CNTNAP2: variants seen among roughly 807,000 people sequenced by gnomAD.
CNTNAP2 encodes contactin associated protein 2.
In CNTNAP2, 98 loss-of-function variants were observed where a neutral mutation model predicts 155.2. The ratio of observed to expected loss-of-function variants is 0.63; its 90% CI spans 0.54 to 0.75. The LOEUF (loss-of-function observed/expected upper bound fraction) is 0.75, where lower values mean the gene tolerates loss of function less well. Among genes scored for constraint, CNTNAP2 ranks in the 30% least tolerant of loss-of-function variants. The probability of loss-of-function intolerance (pLI) is 0.00; values close to 1 mark genes in which losing one functional copy is unlikely to be tolerated. For missense variants in CNTNAP2, 1,727 were observed against 1,688.1 expected (o/e 1.02, Z -0.40); for synonymous variants, 651 against 631.2 (o/e 1.03, Z -0.47).
chr7:147,840,007 CT>C (rs1390298561), intron 13 of CNTNAP2, among the ~76,000 whole-genome samples: 2 of 151,766 alleles, frequency 1.3e-5, no homozygotes, highest in Non-Finnish European at 2.9e-5. Flanking sequence ...GAAATCATGT[CT>C]TTTGGAGCAA....
chr7:146,989,495 C>T (rs1489756443), intron 3 of CNTNAP2, among the ~76,000 whole-genome samples: 1 of 151,680 alleles, frequency 6.6e-6, no homozygotes, highest in Non-Finnish European at 1.5e-5. Flanking sequence ...ATCTTGTCAG[C>T]ACATAACAGT....
chr7:147,213,579 A>T (rs150355701), intron 8 of CNTNAP2, among the ~76,000 whole-genome samples: 3 of 152,206 alleles, frequency 2.0e-5, no homozygotes, highest in Non-Finnish European at 4.4e-5. Flanking sequence ...CGCAAAAAAA[A>T]AAATAACATT....
At chr7:148,405,231 A>C (rs551776100) in intron 22 of CNTNAP2, among the ~76,000 whole-genome samples, 1 of 152,218 alleles carries the variant, frequency 6.6e-6, no homozygotes, top group East Asian at 1.9e-4. Context: ...AATCCAGCTC[A>C]AGGGAGTCTT....
At chr7:147,094,273 C>T (rs1465698979) in intron 4 of CNTNAP2, among the ~76,000 whole-genome samples, 1 of 152,158 alleles carries the variant, frequency 6.6e-6, no homozygotes, top group African/African-American at 2.4e-5. Flanking sequence ...CTGTTCACGG[C>T]CACTTAGGTA....
intron 2 of CNTNAP2, among the ~76,000 whole-genome samples, chr7:146,795,211 A>G (rs1329856507): frequency 6.6e-6 from 1 of 152,244 alleles, no homozygotes; most frequent in Admixed American, 6.5e-5. Context: ...TATAATTAGT[A>G]AATGTTGAAA....
At position 148,162,956 on chromosome 7, in the gene CNTNAP2, C is replaced by T. The variant is rs145337206; in HGVS notation, c.2774-9286C>T. On this transcript the variant is annotated intron_variant, in intron 17 of 23. Transcript: ENST00000361727. The stretch of plus-strand genomic sequence containing the variant: ...TCAAGGCTGCAGTGAACCATGATTG[C>T]GTCACTGCACTCGGCCTGAGCCAAA... Among the ~76,000 whole-genome samples the T allele has an allele frequency of 1.2e-3, 190 of 152,264 alleles. 2 individuals carry two copies. Among genetic ancestry groups the T allele is most frequent in the African/African-American group, 4.3e-3 (177 of 41,552 alleles).
intron 3 of CNTNAP2, among the ~76,000 whole-genome samples, chr7:146,860,324 T>C (rs541619957): frequency 6.6e-6 from 1 of 152,288 alleles, no homozygotes; most frequent in South Asian, 2.1e-4. Context: ...GGTTGCTTTC[T>C]TTTTTATCTT....
chr7:147,434,200 C>T (rs563942289), intron 10 of CNTNAP2, among the ~76,000 whole-genome samples: 13 of 152,222 alleles, frequency 8.5e-5, no homozygotes, highest in Non-Finnish European at 1.8e-4. Flanking sequence ...TATTCTGTAC[C>T]ACAATTGCTG....
intron 10 of CNTNAP2, among the ~76,000 whole-genome samples, chr7:147,410,827 C>T (rs983244065): frequency 1.3e-5 from 2 of 152,060 alleles, no homozygotes; most frequent in Admixed American, 6.5e-5. Flanking sequence ...TTATTGTCAC[C>T]TCCATAAGAT....
intron 2 of CNTNAP2, among the ~76,000 whole-genome samples, chr7:146,796,700 T>C (rs1224364255): frequency 6.6e-6 from 1 of 152,224 alleles, no homozygotes; most frequent in Non-Finnish European, 1.5e-5. Flanking sequence ...TAGAACCTCA[T>C]TGATTTCACT....
In CNTNAP2 at chr7:148,380,653, C is replaced by T. The variant is rs143176307; in HGVS notation, c.3476-2996C>T. On this transcript the variant is annotated intron_variant, in intron 21 of 23. Coordinates refer to ENST00000361727, the MANE Select transcript of CNTNAP2 (RefSeq NM_014141.6). ...TGACTTCTTTTTTTTTTATATGAAA[C>T]ATAAATGTTTATTCATTGGCAAAGC... is the stretch of plus-strand genomic sequence containing the variant. 3.3e-4 allele frequency among the ~76,000 whole-genome samples: 50 copies of T among 151,320 alleles called. No individual in the cohort carries two copies. In the East Asian group the frequency reaches 9.3e-3, roughly 28 times the overall value.
chr7:147,363,739 G>T, intron 9 of CNTNAP2, among the ~76,000 whole-genome samples: 1 of 151,788 alleles, frequency 6.6e-6, no homozygotes, highest in East Asian at 1.9e-4. Context: ...CATTTATAGG[G>T]CCTTAGGGAA....
At chr7:146,345,510 C>G (rs899896216) in intron 1 of CNTNAP2, among the ~76,000 whole-genome samples, 3 of 152,146 alleles carry the variant, frequency 2.0e-5, no homozygotes, top group Non-Finnish European at 4.4e-5. Context: ...CTTTATAGCA[C>G]AAAATGCTAC....
chr7:148,307,257 G>T (rs955650879), intron 21 of CNTNAP2, among the ~76,000 whole-genome samples: 1 of 152,184 alleles, frequency 6.6e-6, no homozygotes, highest in African/African-American at 2.4e-5. Context: ...AGAGTGAGGG[G>T]AGGACAGATG....
chr7:147,861,953 G>T (rs376621755), intron 13 of CNTNAP2, among the ~76,000 whole-genome samples: 1 of 136,616 alleles, frequency 7.3e-6, no homozygotes, highest in Non-Finnish European at 1.5e-5. Flanking sequence ...AGCCAGGATC[G>T]TGCCATTGCA....
At chr7:146,978,536 A>G (rs1003461210) in intron 3 of CNTNAP2, among the ~76,000 whole-genome samples, 2 of 152,102 alleles carry the variant, frequency 1.3e-5, no homozygotes, top group African/African-American at 2.4e-5. Flanking sequence ...ATATTTGTCA[A>G]AAGACTATTT....
intron 13 of CNTNAP2, among the ~76,000 whole-genome samples, chr7:147,860,160 C>T (rs1335269379): frequency 2.3e-4 from 35 of 152,090 alleles, no homozygotes; most frequent in Admixed American, 2.3e-3. Flanking sequence ...TGCAGTGGCT[C>T]ATGCCTGTAA....
At chr7:147,511,230 G>A (rs1799014915) in intron 11 of CNTNAP2, among the ~76,000 whole-genome samples, 1 of 151,880 alleles carries the variant, frequency 6.6e-6, no homozygotes, top group Non-Finnish European at 1.5e-5. Context: ...GTGACAAAAG[G>A]TGATACATTT....
chr7:147,353,450 T>C (rs1161086163), intron 9 of CNTNAP2, among the ~76,000 whole-genome samples: 1 of 152,112 alleles, frequency 6.6e-6, no homozygotes, highest in Non-Finnish European at 1.5e-5. Flanking sequence ...TCCAGCTTCA[T>C]CCATGTCCCT....
Sources: gnomAD v4.1 joint callset for allele counts (sites outside exome capture counted in the v4.1 genomes callset) on GRCh38, gnomAD v4.1.1 for gene constraint, MANE v1.5 for transcripts, NCBI Gene and HGNC (gene_info 2026-07-23, HGNC 2026-07-21) for gene names.